The following NALCN variants were observed in gnomAD, a reference collection of about 807,000 sequenced individuals.
The protein encoded by NALCN is sodium leak channel, non-selective, also known as sodium leak channel NALCN.
In NALCN, 111 loss-of-function variants were observed where a neutral mutation model predicts 225.3. The ratio of observed to expected loss-of-function variants is 0.49; its 90% CI spans 0.42 to 0.58. The LOEUF is 0.58. Ranked by LOEUF, NALCN falls within the 20% of genes least tolerant of loss-of-function variation. The probability of loss-of-function intolerance (pLI) is 0.00; values close to 1 mark genes in which losing one functional copy is unlikely to be tolerated. For synonymous variants in NALCN, 764 were observed against 769.0 expected (o/e 0.99, Z 0.11); for missense variants, 1,378 against 2,202.4 (o/e 0.63, Z 7.49).
intron 28 of NALCN, among the ~76,000 whole-genome samples, chr13:101,093,350 G>C (rs1195323808): frequency 1.3e-5 from 2 of 152,038 alleles, no homozygotes; most frequent in Admixed American, 6.6e-5. Flanking sequence ...TCATAATTTA[G>C]CCAATATAAA....
At chr13:101,378,709 T>C in intron 3 of NALCN, 56 bp from the exon 4 acceptor site, 3 of 1,415,942 alleles carry the variant, frequency 2.1e-6, no homozygotes, top group Non-Finnish European at 2.0e-6. Flanking sequence ...TAAAGAACAA[T>C]CTGTGGAGGA....
chr13:101,311,968 CG>C (rs2044362986), intron 7 of NALCN, among the ~76,000 whole-genome samples: 1 of 151,922 alleles, frequency 6.6e-6, no homozygotes, highest in African/African-American at 2.4e-5. Context: ...TGGTAGAATT[CG>C]GCTGTGAATC....
At chr13:101,240,288 G>A (rs552488802) in intron 11 of NALCN, among the ~76,000 whole-genome samples, 2 of 151,354 alleles carry the variant, frequency 1.3e-5, no homozygotes, top group Non-Finnish European at 3.0e-5. Context: ...TGTATTTTAC[G>A]TTCTTTAATA....
chr13:101,305,615 A>T (rs2044128905), intron 7 of NALCN, among the ~76,000 whole-genome samples: 1 of 152,242 alleles, frequency 6.6e-6, no homozygotes, highest in Non-Finnish European at 1.5e-5. Context: ...GACAAATTCA[A>T]GTCCAACAAT....
intron 13 of NALCN, among the ~76,000 whole-genome samples, chr13:101,211,002 G>A (rs757596793): frequency 2.6e-5 from 4 of 152,012 alleles, no homozygotes; most frequent in Non-Finnish European, 4.4e-5. Flanking sequence ...AAATTCCACC[G>A]ACATTCTTTA....
intron 17 of NALCN, among the ~76,000 whole-genome samples, chr13:101,125,364 ATAAC>A (rs2036182470): frequency 6.6e-6 from 1 of 152,194 alleles, no homozygotes; most frequent in Non-Finnish European, 1.5e-5. Flanking sequence ...TAATAAATAA[ATAAC>A]TAGATTCACA....
At chr13:101,256,345 G>C (rs929367129) in intron 11 of NALCN, among the ~76,000 whole-genome samples, 5 of 151,758 alleles carry the variant, frequency 3.3e-5, no homozygotes, top group African/African-American at 1.2e-4. Context: ...GAAACCACAG[G>C]GTCATCATTT....
intron 17 of NALCN, among the ~76,000 whole-genome samples, chr13:101,136,668 T>C (rs2036815047): frequency 1.3e-5 from 2 of 152,170 alleles, no homozygotes; most frequent in Non-Finnish European, 2.9e-5. Flanking sequence ...TATTCCATGG[T>C]GTATATGTGC....
chr13:101,120,084 AG>A (rs1279906913), intron 18 of NALCN, among the ~76,000 whole-genome samples: 3 of 152,230 alleles, frequency 2.0e-5, no homozygotes, highest in Non-Finnish European at 4.4e-5. Flanking sequence ...CTCAGGCTCT[AG>A]GGCCCTTCCT....
intron 3 of NALCN, among the ~76,000 whole-genome samples, chr13:101,385,455 C>T (rs2046961435): frequency 6.6e-6 from 1 of 152,016 alleles, no homozygotes; most frequent in Non-Finnish European, 1.5e-5. Context: ...AAAAGAAGGT[C>T]CCTCTCTATG....
At chr13:101,291,152 CT>C (rs2043538217) in intron 9 of NALCN, among the ~76,000 whole-genome samples, 1 of 152,108 alleles carries the variant, frequency 6.6e-6, no homozygotes, top group Non-Finnish European at 1.5e-5. Flanking sequence ...TATGGGAATC[CT>C]TCTGAATATA....
At chr13:101,357,326 C>G (rs2046094068) in intron 6 of NALCN, among the ~76,000 whole-genome samples, 2 of 151,718 alleles carry the variant, frequency 1.3e-5, no homozygotes, top group Non-Finnish European at 3.0e-5. Flanking sequence ...TGATAAGCAA[C>G]TTCAGCAAAT....
At chr13:101,234,994 T>C (rs1438099265) in intron 12 of NALCN, among the ~76,000 whole-genome samples, 1 of 152,034 alleles carries the variant, frequency 6.6e-6, no homozygotes, top group Admixed American at 6.5e-5. Flanking sequence ...AGATGATTAA[T>C]AATTTGTAAT....
chr13:101,300,052 A>T (rs1311673210), intron 7 of NALCN, among the ~76,000 whole-genome samples: 1 of 151,760 alleles, frequency 6.6e-6, no homozygotes, highest in African/African-American at 2.4e-5. Context: ...AGGGGTGTGT[A>T]CTCTTAAGGT....
intron 28 of NALCN, among the ~76,000 whole-genome samples, chr13:101,091,578 A>C (rs376652944): frequency 5.2e-4 from 79 of 151,492 alleles, no homozygotes; most frequent in African/African-American, 1.9e-3. Flanking sequence ...ATATTTTTTT[A>C]TGTATGAAAG....
intron 26 of NALCN, among the ~76,000 whole-genome samples, chr13:101,101,307 G>A (rs1288516573): frequency 3.0e-5 from 4 of 131,916 alleles, no homozygotes; most frequent in Non-Finnish European, 6.2e-5. Context: ...TTGAGATGGA[G>A]TGCCACTCTG....
At chr13:101,158,452 G>T (rs2038011308) in intron 15 of NALCN, among the ~76,000 whole-genome samples, 2 of 152,226 alleles carry the variant, frequency 1.3e-5, no homozygotes, top group South Asian at 4.1e-4. Context: ...GTCTGAGGTG[G>T]CAGAGAAGGA....
At chr13:101,400,579 GTGCA>G (rs1214393886) in intron 1 of NALCN, among the ~76,000 whole-genome samples, 10 of 116,012 alleles carry the variant, frequency 8.6e-5, no homozygotes, top group African/African-American at 3.7e-4. Flanking sequence ...GTGTGTGTGT[GTGCA>G]CGTGTGTGCG....
rs539783825 is a variant in NALCN at position 101,360,937 on chromosome 13, T to A, written c.645-15517A>T. On this transcript the variant is annotated intron_variant, in intron 6 of 43. Transcript: ENST00000251127. Reference sequence around the variant, plus strand: ...TTTGAAGACTCAAGGTCTATTTTTTTAAAAAGCCATGTAATTTTGTGTTCT... The same window carrying A: ...TTTGAAGACTCAAGGTCTATTTTTTAAAAAAGCCATGTAATTTTGTGTTCT... Among the ~76,000 whole-genome samples the A allele has an allele frequency of 5.9e-5, 9 of 152,282 alleles. No homozygotes were observed. The South Asian group carries it at 1.7e-3, about 28-fold the overall frequency.
Sources: gnomAD v4.1 joint callset for allele counts (sites outside exome capture counted in the v4.1 genomes callset) on GRCh38, gnomAD v4.1.1 for gene constraint, MANE v1.5 for transcripts, NCBI Gene and HGNC (gene_info 2026-07-23, HGNC 2026-07-21) for gene names.